The following GLT1D1 variants were observed in gnomAD, a reference collection of about 807,000 sequenced individuals.
GLT1D1 encodes the protein glycosyltransferase 1 domain containing 1, also known as glycosyltransferase 1 domain-containing protein 1.
In GLT1D1, 21 loss-of-function variants were observed where a neutral mutation model predicts 28.7. That is an observed-to-expected ratio of 0.73 (90% CI 0.52 to 1.05). The LOEUF is 1.05. GLT1D1 is among the 50% of genes least tolerant of loss of function. The pLI, the probability that GLT1D1 is intolerant of heterozygous loss-of-function variation, is 0.00. For synonymous variants in GLT1D1, 147 were observed against 124.8 expected, an observed-to-expected ratio of 1.18 and a Z score of -1.19; for missense variants, 343 against 330.6, an observed-to-expected ratio of 1.04 and a Z score of -0.29.
At chr12:128,933,370 C>T (rs1179124880) in intron 4 of GLT1D1, among the ~76,000 whole-genome samples, 1 of 152,292 alleles carries the variant, frequency 6.6e-6, no homozygotes, top group East Asian at 1.9e-4. Flanking sequence ...GAAACAAGCT[C>T]TATTGAACAA....
chr12:128,960,796 C>A (rs1329436636), intron 7 of GLT1D1, among the ~76,000 whole-genome samples: 1 of 151,394 alleles, frequency 6.6e-6, no homozygotes, highest in Non-Finnish European at 1.5e-5. Flanking sequence ...TTTCAATATG[C>A]GTTAGAACCA....
chr12:128,954,635 A>G (rs1472888199), intron 6 of GLT1D1, among the ~76,000 whole-genome samples: 2 of 152,160 alleles, frequency 1.3e-5, no homozygotes, highest in African/African-American at 4.8e-5. Flanking sequence ...CCAGGGACAG[A>G]TGTAAATTCT....
intron 4 of GLT1D1, among the ~76,000 whole-genome samples, chr12:128,922,833 G>C (rs1435447314): frequency 1.3e-5 from 2 of 148,324 alleles, no homozygotes; most frequent in African/African-American, 5.0e-5. Context: ...TGAGGCAGGA[G>C]AATCGCTTGA....
At chr12:128,873,301 G>A (rs1956745930) in intron 1 of GLT1D1, among the ~76,000 whole-genome samples, 1 of 152,078 alleles carries the variant, frequency 6.6e-6, no homozygotes, top group Admixed American at 6.5e-5. Context: ...TCTTCACTGT[G>A]CTCTGTTTTC....
At chr12:128,889,980 G>C (rs1253119382) in intron 3 of GLT1D1, among the ~76,000 whole-genome samples, 1 of 152,132 alleles carries the variant, frequency 6.6e-6, no homozygotes, top group Admixed American at 6.5e-5. Context: ...TCACCATTTT[G>C]CCAGGCTGGT....
At chr12:128,941,871 C>G (rs1482854088) in intron 4 of GLT1D1, among the ~76,000 whole-genome samples, 1 of 147,840 alleles carries the variant, frequency 6.8e-6, no homozygotes, top group Non-Finnish European at 1.5e-5. Flanking sequence ...GAGCCACCAG[C>G]ATGAGCCACC....
chr12:128,923,225 AAAT>A (rs1216132021), intron 4 of GLT1D1, among the ~76,000 whole-genome samples: 1 of 152,226 alleles, frequency 6.6e-6, no homozygotes, highest in African/African-American at 2.4e-5. Flanking sequence ...TGCTTGAATT[AAAT>A]AATGGACGAA....
chr12:128,866,618 C>CA (rs1224769086), intron 1 of GLT1D1, among the ~76,000 whole-genome samples: 1 of 130,606 alleles, frequency 7.7e-6, no homozygotes, highest in Non-Finnish European at 1.6e-5. Context: ...CACCTTCAGG[C>CA]TTTTTTTTTT....
intron 2 of GLT1D1, among the ~76,000 whole-genome samples, chr12:128,877,352 G>T (rs1308493135): frequency 1.3e-5 from 2 of 152,170 alleles, no homozygotes; most frequent in African/African-American, 4.8e-5. Flanking sequence ...TTAAATTTTG[G>T]TCAGCAAAAT....
chr12:128,918,007 G>A (rs1020973391), intron 4 of GLT1D1, among the ~76,000 whole-genome samples: 7 of 152,146 alleles, frequency 4.6e-5, no homozygotes, highest in Admixed American at 3.9e-4. Flanking sequence ...ATACATGCAC[G>A]TGTATGTTCA....
At chr12:128,979,023 G>A (rs571867767) in intron 7 of GLT1D1, among the ~76,000 whole-genome samples, 3 of 152,190 alleles carry the variant, frequency 2.0e-5, no homozygotes, top group South Asian at 2.1e-4. Context: ...GTCTTGTGCC[G>A]ACCTCCTATC....
At chr12:128,974,038 C>T (rs1879525265) in intron 7 of GLT1D1, among the ~76,000 whole-genome samples, 2 of 151,696 alleles carry the variant, frequency 1.3e-5, no homozygotes, top group Admixed American at 6.6e-5. Context: ...GCCTTTTCTG[C>T]CACTCAGTGA....
At chr12:128,980,392 G>T (rs1235947144) in intron 7 of GLT1D1, among the ~76,000 whole-genome samples, 1 of 152,218 alleles carries the variant, frequency 6.6e-6, no homozygotes, top group African/African-American at 2.4e-5. Flanking sequence ...TGAGTGCCTG[G>T]CAAGAGTGTC....
chr12:128,945,289 G>T lies in GLT1D1; in HGVS notation c.376-37G>T, dbSNP rs199684426. 57 of 1,611,412 alleles carry T rather than the reference G, an allele frequency of 3.5e-5. No homozygotes were observed. The African/African-American group carries it at 6.8e-4, about 19-fold the overall frequency. Reference sequence around the variant, plus strand: ...GGCCGGCTGGCAGCGCCACTAGCAGGCGGCGACCGCTGACATTTATCTTTG... The same window carrying T: ...GGCCGGCTGGCAGCGCCACTAGCAGTCGGCGACCGCTGACATTTATCTTTG... On this transcript the variant is annotated intron_variant, in intron 4 of 7. Transcript: ENST00000281703.
intron 1 of GLT1D1, among the ~76,000 whole-genome samples, chr12:128,874,098 TTCTCTC>T (rs1263001892): frequency 6.1e-5 from 2 of 33,018 alleles, no homozygotes; most frequent in African/African-American, 1.3e-4. Flanking sequence ...CTTTCTTTCT[TTCTCTC>T]TCTCTCTCTC....
At chr12:128,974,431 G>C (rs56333336) in intron 7 of GLT1D1, among the ~76,000 whole-genome samples, 40,191 of 151,850 alleles carry the variant, frequency 0.26, 5,412 homozygotes, top group Admixed American at 0.36. Flanking sequence ...GTTCTCCGAC[G>C]GTCAGTGACC....
chr12:128,931,538 C>G (rs565780634), intron 4 of GLT1D1, among the ~76,000 whole-genome samples: 1 of 151,928 alleles, frequency 6.6e-6, no homozygotes, highest in Admixed American at 6.6e-5. Context: ...GAACTCCTGA[C>G]CTCCGGTGAT....
intron 6 of GLT1D1, among the ~76,000 whole-genome samples, chr12:128,949,003 C>T (rs1451237194): frequency 6.6e-6 from 1 of 152,108 alleles, no homozygotes; most frequent in Non-Finnish European, 1.5e-5. Context: ...GATGTCAGCA[C>T]CTCTGCTTAG....
At chr12:128,908,634 A>C (rs1166271377) in intron 4 of GLT1D1, among the ~76,000 whole-genome samples, 1 of 145,170 alleles carries the variant, frequency 6.9e-6, no homozygotes, top group Non-Finnish European at 1.5e-5. Context: ...TCTGTGGGAC[A>C]CGGAGGGCAG....
Sources: gnomAD v4.1 joint callset for allele counts (sites outside exome capture counted in the v4.1 genomes callset) on GRCh38, gnomAD v4.1.1 for gene constraint, MANE v1.5 for transcripts, NCBI Gene and HGNC (gene_info 2026-07-23, HGNC 2026-07-21) for gene names.